Variants in RBFOX1 observed in about 807,000 individuals in gnomAD.
RBFOX1 encodes the protein RNA binding protein fox-1 homolog 1.
A neutral mutation model predicts 57.7 loss-of-function variants in RBFOX1; 8 were observed. The ratio of observed to expected loss-of-function variants is 0.14; its 90% CI spans 0.08 to 0.25. RBFOX1 has a LOEUF of 0.25. RBFOX1 is among the 10% of genes least tolerant of loss of function. The pLI, the probability that RBFOX1 is intolerant of heterozygous loss-of-function variation, is 1.00. For synonymous variants in RBFOX1, 326 were observed against 222.4 expected (o/e 1.47, Z -4.15); for missense variants, 611 against 548.5 (o/e 1.11, Z -1.14).
chr16:6,771,816 C>G (rs1277657864), intron 3 of RBFOX1, among the ~76,000 whole-genome samples: 2 of 152,114 alleles, frequency 1.3e-5, no homozygotes, highest in African/African-American at 2.4e-5. Context: ...GGCAATTGTA[C>G]CAAGACTGAG....
rs149424076 is a variant in RBFOX1, at chr16:6,459,984, C to CAAAAAAAAAAAAAAAAAAAAAAAAA, written c.-64+142947_-64+142971dup. Among the ~76,000 whole-genome samples the CAAAAAAAAAAAAAAAAAAAAAAAAA allele has an allele frequency of 1.9e-4, 9 of 47,684 alleles. 1 individual carries two copies. Among genetic ancestry groups the CAAAAAAAAAAAAAAAAAAAAAAAAA allele is most frequent in the Non-Finnish European group, 2.8e-4 (7 of 24,692 alleles). The allele number at this position is 47,684 out of a possible 152,430, so 31.3% of individuals were successfully genotyped here. On this transcript the variant is annotated intron_variant, in intron 2 of 15. Coordinates refer to ENST00000550418, the MANE Select transcript of RBFOX1 (RefSeq NM_018723.4). ...GGGCAACAAGAGTGAAACTCCATCT[C>CAAAAAAAAAAAAAAAAAAAAAAAAA]AAAAAAAAAAAAAAAAAAAAAAAAA...
intron 1 of RBFOX1, among the ~76,000 whole-genome samples, chr16:5,272,464 A>G (rs2063036673): frequency 6.6e-6 from 1 of 152,184 alleles, no homozygotes; most frequent in Non-Finnish European, 1.5e-5. Flanking sequence ...TGGTCCACGA[A>G]TGTTGAAGCC....
chr16:7,329,291 C>G (rs2096653378), intron 4 of RBFOX1, among the ~76,000 whole-genome samples: 1 of 152,176 alleles, frequency 6.6e-6, no homozygotes, highest in East Asian at 1.9e-4. Context: ...CAGAACTGCC[C>G]CACTCTCCTT....
intron 1 of RBFOX1, among the ~76,000 whole-genome samples, chr16:6,254,541 C>G (rs2097648499): frequency 1.3e-5 from 2 of 152,112 alleles, no homozygotes; most frequent in African/African-American, 4.8e-5. Context: ...CCATCTTGGG[C>G]AAGGTGACTA....
In RBFOX1 at chr16:7,232,161, C is replaced by G. The variant is rs902694518; in HGVS notation, c.27+180063C>G. On this transcript the variant is annotated intron_variant, in intron 4 of 15. Transcript: ENST00000550418. ...GCTTCAGCCTCCTGAGTAGCTGAGA[C>G]TACAGGTACATACCACCAGGCCCAA... Among the ~76,000 whole-genome samples, 8 of 152,176 alleles carry G rather than the reference C, an allele frequency of 5.3e-5. No individual in the cohort carries two copies. The South Asian group carries it at 1.7e-3, about 32-fold the overall frequency.
intron 3 of RBFOX1, among the ~76,000 whole-genome samples, chr16:5,709,441 C>T (rs948322824): frequency 3.3e-5 from 5 of 152,050 alleles, no homozygotes; most frequent in African/African-American, 2.4e-5. Flanking sequence ...AACAGATTTT[C>T]GTGATGGCAT....
At chr16:7,289,795 A>G (rs970342938) in intron 4 of RBFOX1, among the ~76,000 whole-genome samples, 1 of 152,204 alleles carries the variant, frequency 6.6e-6, no homozygotes, top group Non-Finnish European at 1.5e-5. Flanking sequence ...TAAAAATATT[A>G]GTGCTTGTCT....
At chr16:7,380,058 A>G (rs559514008) in intron 4 of RBFOX1, among the ~76,000 whole-genome samples, 2 of 152,178 alleles carry the variant, frequency 1.3e-5, no homozygotes, top group African/African-American at 2.4e-5. Flanking sequence ...GTGTCTTGCT[A>G]TGTTTCCTGG....
intron 3 of RBFOX1, among the ~76,000 whole-genome samples, chr16:6,810,227 C>T (rs79041385): frequency 0.013 from 1,985 of 152,154 alleles, 38 homozygotes; most frequent in African/African-American, 0.045. Context: ...AAATGTCCAT[C>T]CCTCTTTTTC....
rs570623660 is a variant in RBFOX1, at chr16:6,383,830, C to A, written c.-64+66773C>A. Among the ~76,000 whole-genome samples, 4 of 151,830 alleles carry A rather than the reference C, an allele frequency of 2.6e-5. No individual in the cohort carries two copies. The South Asian group carries it at 8.3e-4, about 32-fold the overall frequency. On this transcript the variant is annotated intron_variant, in intron 2 of 15. Transcript: ENST00000550418. ...ACAAGAAGAGTTCAGTGGTTACAAT[C>A]AAATTTTAAACCAATTGTCAAAGTA...
chr16:7,290,816 G>A (rs953922164), intron 4 of RBFOX1, among the ~76,000 whole-genome samples: 3 of 152,172 alleles, frequency 2.0e-5, no homozygotes, highest in Non-Finnish European at 4.4e-5. Flanking sequence ...ATGTTTAGAA[G>A]CAGACAGCTT....
intron 1 of RBFOX1, among the ~76,000 whole-genome samples, chr16:5,344,115 G>A (rs1361063978): frequency 6.6e-6 from 1 of 152,212 alleles, no homozygotes; most frequent in East Asian, 1.9e-4. Context: ...TCAGTAATGG[G>A]TTTAAACATT....
intron 4 of RBFOX1, among the ~76,000 whole-genome samples, chr16:7,319,505 T>G (rs1054808099): frequency 2.0e-5 from 3 of 152,116 alleles, no homozygotes; most frequent in African/African-American, 7.2e-5. Flanking sequence ...CTGAATATAG[T>G]TTGGAGACTG....
In RBFOX1 at chr16:7,085,930, A is replaced by T. The variant is rs550703871; in HGVS notation, c.27+33832A>T. 2.0e-5 allele frequency among the ~76,000 whole-genome samples: 3 copies of T among 152,262 alleles called. 1 individual carries two copies. Among genetic ancestry groups the T allele is most frequent in the South Asian group, 2.1e-4 (1 of 4,824 alleles). ...TCGGTTCTTGATGCTCTGTGCTGTG[A>T]TTCATGGGCTCTAAAATGTACTAAG... On this transcript the variant is annotated intron_variant, in intron 4 of 15. Coordinates refer to ENST00000550418, the MANE Select transcript of RBFOX1 (RefSeq NM_018723.4).
rs186417578 is a variant in RBFOX1, at chr16:6,210,173, C to T, written c.-126-106822C>T. The stretch of plus-strand genomic sequence containing the variant: ...TCTCTACCAAAAATACAAAACTTAG[C>T]TAGGCATGGTGGTGGGCGCCTTTAA... On this transcript the variant is annotated intron_variant, in intron 1 of 15. Coordinates refer to ENST00000550418, the MANE Select transcript of RBFOX1 (RefSeq NM_018723.4). Among the ~76,000 whole-genome samples the T allele has an allele frequency of 1.4e-3, 216 of 151,514 alleles. 2 individuals are homozygous for T. Among genetic ancestry groups the T allele is most frequent in the African/African-American group, 4.6e-3 (192 of 41,346 alleles).
chr16:5,492,698 G>T (rs548859494), intron 2 of RBFOX1, among the ~76,000 whole-genome samples: 1 of 152,298 alleles, frequency 6.6e-6, no homozygotes, highest in East Asian at 1.9e-4. Flanking sequence ...CAAAGCAGGG[G>T]CTCAGACTCA....
chr16:7,703,832 A>C (rs1425895920), intron 14 of RBFOX1, among the ~76,000 whole-genome samples: 1 of 152,244 alleles, frequency 6.6e-6, no homozygotes. Flanking sequence ...CTCATAAATT[A>C]GATCTCAACT....
chr16:5,333,497 T>C (rs1032600399), intron 1 of RBFOX1, among the ~76,000 whole-genome samples: 2 of 152,140 alleles, frequency 1.3e-5, no homozygotes, highest in African/African-American at 4.8e-5. Context: ...AAAAAGCTGC[T>C]CCTCACACAG....
At chr16:5,698,250 G>T (rs1026011482) in intron 3 of RBFOX1, among the ~76,000 whole-genome samples, 4 of 152,046 alleles carry the variant, frequency 2.6e-5, no homozygotes, top group African/African-American at 9.7e-5. Flanking sequence ...TACCCCCAGT[G>T]AGTCATGACT....
Sources: allele counts gnomAD v4.1 joint callset (sites outside exome capture counted in the v4.1 genomes callset), GRCh38; gene constraint gnomAD v4.1.1; transcripts MANE v1.5; gene names NCBI Gene and HGNC (gene_info 2026-07-23, HGNC 2026-07-21).